The following PRDM11 variants were observed in gnomAD, a reference collection of about 807,000 sequenced individuals.
PRDM11 encodes the protein PR domain-containing protein 11.
In PRDM11, 20 loss-of-function variants were observed where a neutral mutation model predicts 97.8. The ratio of observed to expected loss-of-function variants is 0.20; its 90% CI spans 0.14 to 0.30. The LOEUF is 0.30. PRDM11 is among the 10% of genes least tolerant of loss of function. The pLI is 1.00. For synonymous variants in PRDM11, 599 were observed against 637.7 expected (o/e 0.94, Z 0.91); for missense variants, 1,139 against 1,555.2 (o/e 0.73, Z 4.50).
At chr11:45,217,953 T>G (rs1854006145) in intron 5 of PRDM11, among the ~76,000 whole-genome samples, 2 of 152,234 alleles carry the variant, frequency 1.3e-5, no homozygotes. Flanking sequence ...CATTGGTATA[T>G]TTCCTTCAAG....
chr11:45,213,478 G>A (rs1351212004), intron 5 of PRDM11: 5 of 456,064 alleles, frequency 1.1e-5, no homozygotes. Context: ...TGATGGGCAG[G>A]TCAAGTCGGT....
At chr11:45,127,935 C>A (rs1443481515) in intron 1 of PRDM11, among the ~76,000 whole-genome samples, 2 of 152,200 alleles carry the variant, frequency 1.3e-5, no homozygotes, top group African/African-American at 2.4e-5. Flanking sequence ...TTGTCTTTGC[C>A]CTGCCCCCAG....
intron 1 of PRDM11, among the ~76,000 whole-genome samples, chr11:45,115,405 A>T (rs1029994743): frequency 6.6e-6 from 1 of 152,196 alleles, no homozygotes; most frequent in Non-Finnish European, 1.5e-5. Context: ...CAAAAGATTC[A>T]GGTGACAAAT....
chr11:45,181,353 GC>G (rs928700337), intron 1 of PRDM11, among the ~76,000 whole-genome samples: 6 of 152,206 alleles, frequency 3.9e-5, no homozygotes, highest in African/African-American at 1.4e-4. Context: ...CGTTCGGTCT[GC>G]CCACTACCCC....
intron 1 of PRDM11, among the ~76,000 whole-genome samples, chr11:45,097,985 G>T (rs1185785879): frequency 6.6e-6 from 1 of 152,256 alleles, no homozygotes; most frequent in Non-Finnish European, 1.5e-5. Flanking sequence ...TGGGATTGGA[G>T]ATGAAAAATC....
chr11:45,159,741 C>T (rs561908584), intron 1 of PRDM11, among the ~76,000 whole-genome samples: 4 of 152,292 alleles, frequency 2.6e-5, no homozygotes, highest in East Asian at 3.9e-4. Flanking sequence ...TACTAGTCAC[C>T]GTCAGTGGCA....
intron 1 of PRDM11, among the ~76,000 whole-genome samples, chr11:45,111,481 G>A (rs1852179654): frequency 6.6e-6 from 1 of 152,154 alleles, no homozygotes; most frequent in African/African-American, 2.4e-5. Flanking sequence ...ACTGAAGGGT[G>A]GAATGGCCAT....
chr11:45,127,828 C>T lies in PRDM11; in HGVS notation c.96+31927C>T, dbSNP rs193101481. On this transcript the variant is annotated intron_variant, in intron 1 of 6. Coordinates refer to the PRDM11 transcript ENST00000530656. Reference sequence around the variant, plus strand: ...GACCCACTTGACGAGGCAGTCTGCCCGTTCTCAGATCTCCAGCTGCGTGCT... The same window carrying T: ...GACCCACTTGACGAGGCAGTCTGCCTGTTCTCAGATCTCCAGCTGCGTGCT... Among the ~76,000 whole-genome samples, 806 of 152,328 alleles carry T rather than the reference C, an allele frequency of 5.3e-3. 9 individuals carry two copies. Among genetic ancestry groups the T allele is most frequent in the African/African-American group, 0.015 (642 of 41,588 alleles).
intron 1 of PRDM11, among the ~76,000 whole-genome samples, chr11:45,108,113 C>T (rs994444663): frequency 2.0e-5 from 3 of 152,206 alleles, no homozygotes; most frequent in African/African-American, 7.2e-5. Context: ...CAAGCGTGAG[C>T]CACTGCACCC....
chr11:45,138,851 T>G (rs1220786130), intron 1 of PRDM11, among the ~76,000 whole-genome samples: 2 of 152,094 alleles, frequency 1.3e-5, no homozygotes, highest in African/African-American at 2.4e-5. Context: ...ACAGAAAACA[T>G]CTAAATTTCC....
chr11:45,194,155 A>C (rs533844424), intron 4 of PRDM11, among the ~76,000 whole-genome samples: 84 of 152,356 alleles, frequency 5.5e-4, no homozygotes, highest in African/African-American at 1.9e-3. Context: ...CCAGGGATTC[A>C]ATCTGACACG....
chr11:45,145,216 G>A (rs1197371274), upstream of PRDM11, among the ~76,000 whole-genome samples: 1 of 152,176 alleles, frequency 6.6e-6, no homozygotes, highest in African/African-American at 2.4e-5. Context: ...GGGAAATAAA[G>A]GCTCAGAGAG....
At chr11:45,196,028 C>A (rs1456864213) in intron 4 of PRDM11, among the ~76,000 whole-genome samples, 1 of 152,054 alleles carries the variant, frequency 6.6e-6, no homozygotes, top group Non-Finnish European at 1.5e-5. Context: ...TTATTTCTTT[C>A]GGGCATAATA....
At chr11:45,107,860 C>T (rs1476595859) in intron 1 of PRDM11, among the ~76,000 whole-genome samples, 3 of 148,732 alleles carry the variant, frequency 2.0e-5, no homozygotes, top group African/African-American at 7.5e-5. Flanking sequence ...GACAGAGTCT[C>T]GCTCTGTCAC....
At chr11:45,221,314 A>G (rs1343254729) in intron 6 of PRDM11, among the ~76,000 whole-genome samples, 1 of 152,180 alleles carries the variant, frequency 6.6e-6, no homozygotes, top group East Asian at 1.9e-4. Flanking sequence ...AGTGGTTTCC[A>G]TGTGACCTCT....
rs1590343496 is a variant in PRDM11, at chr11:45,111,214, C to CTTGGGCCCGTGGAA, written c.96+15313_96+15314insTTGGGCCCGTGGAA. On this transcript the variant is annotated intron_variant, in intron 1 of 6. Coordinates refer to the PRDM11 transcript ENST00000530656. ...ATGAAGATTTATCTTTCTTACAATC[C>CTTGGGCCCGTGGAA]ATCCCACCCTGTCCCTCCACCACTT... is the stretch of plus-strand genomic sequence containing the variant. 3.5e-3 allele frequency among the ~76,000 whole-genome samples: 434 copies of CTTGGGCCCGTGGAA among 122,734 alleles called. 49 individuals carry two copies. The highest frequency in any genetic ancestry group is 0.013 in the Middle Eastern group (3 of 228). The allele number at this position is 122,734 out of a possible 152,430, so 80.5% of individuals were successfully genotyped here. A position where few individuals can be genotyped will look rare whatever the true frequency, so the allele number is the denominator to read the frequency against.
At position 45,224,355 on chromosome 11, in the gene PRDM11, C is replaced by G; in HGVS notation, c.881C>G (p.Pro294Arg). The G allele has an allele frequency of 6.2e-7, 1 of 1,614,118 alleles. No homozygotes were observed. Among genetic ancestry groups the G allele is most frequent in the Non-Finnish European group, 8.5e-7 (1 of 1,180,022 alleles). The change falls in exon 7 of 8, where the codon CCC becomes CGC. Residue 294 changes from proline to arginine, a missense_variant. Pro to Arg is a moderately radical substitution (Grantham distance 103). Coordinates refer to ENST00000683152, the MANE Select transcript of PRDM11 (RefSeq NM_001384648.1). The stretch of plus-strand genomic sequence containing the variant: ...GGCTTTGATGAGGGGGATGTACACC[C>G]CCAAGCTAAGAAGAAGAAAATTGAC... The part of the protein sequence containing the change: ...KRGFDEGDVH[P>R]QAKKKKIDLI...
intron 1 of PRDM11, among the ~76,000 whole-genome samples, chr11:45,132,906 A>G (rs1258333584): frequency 6.6e-6 from 1 of 152,212 alleles, no homozygotes; most frequent in African/African-American, 2.4e-5. Flanking sequence ...AACCCAGGAA[A>G]ATACTGATGG....
At position 45,182,883 on chromosome 11, in the gene PRDM11, C is replaced by T. The variant is rs1190598694; in HGVS notation, c.246C>T (p.Tyr82=). The T allele has an allele frequency of 6.2e-7, 1 of 1,602,274 alleles. No homozygotes were observed. The highest frequency in any genetic ancestry group is 1.1e-5 in the South Asian group (1 of 89,356). Residue 82 remains tyrosine, a synonymous_variant, in exon 4 of 8, where the codon TAC becomes TAT. Transcript: ENST00000683152. ...CAGTCTGTGAGTCCTGCCAGGAGTACTTCGTGGATGAATGCCCAAACCATG... is the reference window on the plus strand; with the variant it reads ...CAGTCTGTGAGTCCTGCCAGGAGTATTTCGTGGATGAATGCCCAAACCATG... ...DFWFCESCQE[Y]FVDECPNHGP... is the part of the protein sequence containing the mutation.
Sources: allele counts gnomAD v4.1 joint callset (sites outside exome capture counted in the v4.1 genomes callset), GRCh38; gene constraint gnomAD v4.1.1; transcripts MANE v1.5; gene names NCBI Gene and HGNC (gene_info 2026-07-23, HGNC 2026-07-21).